The following FARP1 variants were observed in gnomAD, a reference collection of about 807,000 sequenced individuals.
FARP1 encodes the protein FERM, ARHGEF and pleckstrin domain-containing protein 1.
FARP1 carries 52 observed loss-of-function variants against 128.8 expected under a neutral mutation model. The observed-to-expected ratio is 0.40, with a 90% CI of 0.32 to 0.51. FARP1 has a LOEUF of 0.51. FARP1 is among the 20% of genes least tolerant of loss of function. The pLI, the probability that FARP1 is intolerant of heterozygous loss-of-function variation, is 0.45. For missense variants in FARP1, 1,333 were observed against 1,367.9 expected (o/e 0.97, Z 0.40); for synonymous variants, 580 against 551.8 (o/e 1.05, Z -0.72).
chr13:98,240,024 G>A (rs1882673027), intron 2 of FARP1, among the ~76,000 whole-genome samples: 1 of 152,154 alleles, frequency 6.6e-6, no homozygotes, highest in African/African-American at 2.4e-5. Flanking sequence ...CCCTCCACAA[G>A]GAGGGAAGGA....
chr13:98,199,585 C>T (rs1233986062), intron 1 of FARP1, among the ~76,000 whole-genome samples: 1 of 152,140 alleles, frequency 6.6e-6, no homozygotes, highest in Admixed American at 6.5e-5. Context: ...TAATTCACTG[C>T]ATCCTCATTA....
intron 1 of FARP1, among the ~76,000 whole-genome samples, chr13:98,148,592 G>A (rs370999516): frequency 6.6e-6 from 1 of 152,120 alleles, no homozygotes; most frequent in African/African-American, 2.4e-5. Context: ...GTACTTTGAA[G>A]CTTGCTTCTG....
chr13:98,288,086 C>T (rs1016138237), intron 2 of FARP1, among the ~76,000 whole-genome samples: 2 of 152,166 alleles, frequency 1.3e-5, no homozygotes, highest in African/African-American at 4.8e-5. Context: ...AGACGTGAGC[C>T]TCCGTACCCG....
intron 2 of FARP1, among the ~76,000 whole-genome samples, chr13:98,265,240 T>C (rs562958976): frequency 2.0e-5 from 3 of 151,904 alleles, no homozygotes; most frequent in African/African-American, 7.3e-5. Context: ...CAACAGATTG[T>C]GATATTTTTG....
At chr13:98,445,441 T>TAACA (rs1256880180) in intron 24 of FARP1, 2 of 152,338 alleles carry the variant, frequency 1.3e-5, no homozygotes, top group East Asian at 3.9e-4. Context: ...CAGCGCATCC[T>TAACA]AACAATGCTC....
At chr13:98,310,862 A>G (rs1402544930) in intron 2 of FARP1, among the ~76,000 whole-genome samples, 1 of 152,182 alleles carries the variant, frequency 6.6e-6, no homozygotes, top group Non-Finnish European at 1.5e-5. Flanking sequence ...GCCCCCTTGC[A>G]GAGAGAAGCT....
chr13:98,365,785 A>G (rs533903316), intron 4 of FARP1, among the ~76,000 whole-genome samples: 330 of 152,256 alleles, frequency 2.2e-3, no homozygotes, highest in Non-Finnish European at 3.9e-3. Context: ...ATTTATTCAT[A>G]AAATTGTTTT....
chr13:98,441,597 G>T (rs978556843), intron 24 of FARP1, among the ~76,000 whole-genome samples: 5 of 152,180 alleles, frequency 3.3e-5, no homozygotes, highest in African/African-American at 1.2e-4. Flanking sequence ...TCTACAGTGG[G>T]GGTCTTAGAA....
intron 2 of FARP1, among the ~76,000 whole-genome samples, chr13:98,293,237 G>A (rs1398316326): frequency 2.6e-5 from 4 of 152,092 alleles, no homozygotes; most frequent in Non-Finnish European, 5.9e-5. Flanking sequence ...ATCATGCTTT[G>A]GCTGAGACCA....
At chr13:98,442,653 C>T (rs1892573073) in intron 24 of FARP1, among the ~76,000 whole-genome samples, 1 of 152,220 alleles carries the variant, frequency 6.6e-6, no homozygotes, top group African/African-American at 2.4e-5. Context: ...GCTTGCGGGT[C>T]TGAGACTTCT....
At chr13:98,385,899 G>T in intron 8 of FARP1, 85 bp downstream of exon 8, 3 of 1,384,452 alleles carry the variant, frequency 2.2e-6, no homozygotes, top group Non-Finnish European at 3.0e-6. Context: ...TATTCAGTGG[G>T]CTAAGACCTC....
chr13:98,292,550 A>G (rs1339699594), intron 2 of FARP1, among the ~76,000 whole-genome samples: 1 of 152,264 alleles, frequency 6.6e-6, no homozygotes, highest in Middle Eastern at 3.2e-3. Flanking sequence ...AATAAAATTG[A>G]AAACACAGTT....
At chr13:98,364,444 C>G (rs567000194) in intron 3 of FARP1, among the ~76,000 whole-genome samples, 2 of 152,162 alleles carry the variant, frequency 1.3e-5, no homozygotes, top group Non-Finnish European at 2.9e-5. Flanking sequence ...TACTCCTGAA[C>G]GTCAACAGTT....
At chr13:98,426,783 G>A (rs1267050067) in intron 17 of FARP1, among the ~76,000 whole-genome samples, 2 of 152,236 alleles carry the variant, frequency 1.3e-5, no homozygotes, top group Admixed American at 6.5e-5. Context: ...TACCTAAGAT[G>A]TTCCATAGCC....
At chr13:98,160,127 A>C (rs1302755951) in intron 1 of FARP1, among the ~76,000 whole-genome samples, 1 of 152,244 alleles carries the variant, frequency 6.6e-6, no homozygotes, top group Non-Finnish European at 1.5e-5. Context: ...GCCCAGGTCC[A>C]GTGAAAGCCT....
At chr13:98,351,781 C>T (rs72655176) in intron 3 of FARP1, among the ~76,000 whole-genome samples, 10,540 of 151,888 alleles carry the variant, frequency 0.069, 473 homozygotes, top group Non-Finnish European at 0.1. Context: ...TGGGGAGGCA[C>T]CACACACAAA....
At chr13:98,351,823 A>G (rs1275136252) in intron 3 of FARP1, among the ~76,000 whole-genome samples, 1 of 151,864 alleles carries the variant, frequency 6.6e-6, no homozygotes, top group Non-Finnish European at 1.5e-5. Flanking sequence ...CTGCGTGGAA[A>G]CATGCTTATT....
At chr13:98,350,732 C>T (rs1888382868) in intron 3 of FARP1, among the ~76,000 whole-genome samples, 1 of 152,162 alleles carries the variant, frequency 6.6e-6, no homozygotes, top group Non-Finnish European at 1.5e-5. Flanking sequence ...ACACCTGAGG[C>T]CTTGTTGACT....
intron 2 of FARP1, among the ~76,000 whole-genome samples, chr13:98,269,471 TG>T (rs1884287165): frequency 6.6e-6 from 1 of 152,248 alleles, no homozygotes; most frequent in African/African-American, 2.4e-5. Context: ...TCGTGTACTG[TG>T]TTCTAAGCCA....
Sources: allele counts gnomAD v4.1 joint callset (sites outside exome capture counted in the v4.1 genomes callset), GRCh38; gene constraint gnomAD v4.1.1; transcripts MANE v1.5; gene names NCBI Gene and HGNC (gene_info 2026-07-23, HGNC 2026-07-21).